NUP153: variants seen among roughly 807,000 people sequenced by gnomAD.
NUP153 encodes nucleoporin 153.
NUP153 carries 27 observed loss-of-function variants against 134.6 expected under a neutral mutation model. The ratio of observed to expected loss-of-function variants is 0.20; its 90% CI spans 0.15 to 0.28. The LOEUF (loss-of-function observed/expected upper bound fraction) is 0.28, where lower values mean the gene tolerates loss of function less well. Among genes scored for constraint, NUP153 ranks in the 10% least tolerant of loss-of-function variants. NUP153 has a pLI of 1.00. For missense variants in NUP153, 1,821 were observed against 1,731.3 expected, an observed-to-expected ratio of 1.05 and a Z score of -0.92; for synonymous variants, 640 against 623.5, an observed-to-expected ratio of 1.03 and a Z score of -0.40.
intron 2 of NUP153, among the ~76,000 whole-genome samples, chr6:17,684,944 A>C (rs1768821726): frequency 6.6e-6 from 1 of 152,214 alleles, no homozygotes; most frequent in African/African-American, 2.4e-5. Context: ...AACAATTACA[A>C]TAGTAATACC....
intron 20 of NUP153, among the ~76,000 whole-genome samples, chr6:17,618,603 T>C (rs1360048914): frequency 6.6e-6 from 1 of 150,718 alleles, no homozygotes; most frequent in East Asian, 2.0e-4. Flanking sequence ...TCTGGCTCTG[T>C]TGCCCAGGCT....
chr6:17,624,655 A>G lies in NUP153; in HGVS notation c.4080T>C (p.Pro1360=). 1.9e-6 allele frequency: 3 copies of G among 1,614,200 alleles called. No individual in the cohort carries two copies. Among genetic ancestry groups the G allele is most frequent in the Non-Finnish European group, 2.5e-6 (3 of 1,180,032 alleles). ...LFPTGSQPAP[P]TFGTVSSSSQ... is the part of the protein sequence containing the mutation. ...TACTGCTTGACACTGTCCCAAAAGT[A>G]GGTGGTGCAGGCTGAGAACCAGTGG... The change falls in exon 20 of 22, where the codon CCT becomes CCC. Residue 1360 remains proline, a synonymous_variant. Coordinates refer to ENST00000262077, the MANE Select transcript of NUP153 (RefSeq NM_005124.4).
At position 17,688,006 on chromosome 6, in the gene NUP153, C is replaced by T. The variant is rs2113849833; in HGVS notation, c.334+390G>A. Among the ~76,000 whole-genome samples, 2 of 152,142 alleles carry T rather than the reference C, an allele frequency of 1.3e-5. 1 individual carries two copies. Among genetic ancestry groups the T allele is most frequent in the Middle Eastern group, 6.8e-3 (2 of 294 alleles). ...TGGTGGCAGGCGCCTGTAGTCCCAG[C>T]TACTTGGGAGGCTGAGGCAGGAGAA... On this transcript the variant is annotated intron_variant, in intron 2 of 21. Coordinates refer to ENST00000262077, the MANE Select transcript of NUP153 (RefSeq NM_005124.4).
At chr6:17,619,292 T>C (rs1448351052) in intron 20 of NUP153, among the ~76,000 whole-genome samples, 1 of 152,190 alleles carries the variant, frequency 6.6e-6, no homozygotes, top group Non-Finnish European at 1.5e-5. Flanking sequence ...CCTGCAGAGA[T>C]GTATGGCCTC....
In NUP153 at chr6:17,699,910, C is replaced by T. The variant is rs546094859; in HGVS notation, c.111+6367G>A. ...TTTATTTTACTTCAAACTAAGATAT[C>T]TGCCTTGTCAGGGACTTCCCAGAAA... is the stretch of plus-strand genomic sequence containing the variant. On this transcript the variant is annotated intron_variant, in intron 1 of 21. Transcript: ENST00000262077. Among the ~76,000 whole-genome samples, 11 of 152,302 alleles carry T rather than the reference C, an allele frequency of 7.2e-5. No individual in the cohort carries two copies. In the South Asian group the frequency reaches 2.3e-3, roughly 32 times the overall value.
At chr6:17,698,870 TAA>T (rs961294100) in intron 1 of NUP153, among the ~76,000 whole-genome samples, 8 of 140,020 alleles carry the variant, frequency 5.7e-5, no homozygotes, top group African/African-American at 7.9e-5. Flanking sequence ...GACACTGTCT[TAA>T]AAAAAAAAAA....
chr6:17,646,741 C>CT (rs368142844), intron 13 of NUP153, among the ~76,000 whole-genome samples: 2,837 of 145,956 alleles, frequency 0.019, 42 homozygotes, highest in Non-Finnish European at 0.028. Flanking sequence ...ATTTTCTTTC[C>CT]TTTTTTTTTT....
At chr6:17,703,197 C>CAA (rs544859988) in intron 1 of NUP153, among the ~76,000 whole-genome samples, 53 of 67,690 alleles carry the variant, frequency 7.8e-4, no homozygotes, top group East Asian at 3.8e-3. Context: ...GACTCCATCT[C>CAA]AAAAAAAAAA....
At chr6:17,635,355 C>A (rs780912689) in intron 16 of NUP153, among the ~76,000 whole-genome samples, 2 of 152,092 alleles carry the variant, frequency 1.3e-5, no homozygotes, top group South Asian at 2.1e-4. Context: ...GTGATCCACT[C>A]GCCTCGGCCT....
chr6:17,665,769 A>C (rs1767499416), intron 8 of NUP153, among the ~76,000 whole-genome samples: 2 of 150,886 alleles, frequency 1.3e-5, no homozygotes, highest in Admixed American at 1.3e-4. Flanking sequence ...CACCCAGACC[A>C]CAGCTCACTG....
intron 1 of NUP153, among the ~76,000 whole-genome samples, chr6:17,694,373 T>C (rs771575249): frequency 5.3e-5 from 8 of 152,126 alleles, no homozygotes; most frequent in Non-Finnish European, 8.8e-5. Context: ...AAATAAAGGA[T>C]AGGAGCTGGG....
rs36027788 is a variant in NUP153 at position 17,632,846 on chromosome 6, TA to T, written c.2465-3del. 0.073 allele frequency: 62,333 copies of T among 851,810 alleles called. 7 individuals are homozygous for T. Among genetic ancestry groups the T allele is most frequent in the South Asian group, 0.098 (3,985 of 40,692 alleles). 52.8% of individuals were successfully genotyped at this position (851,810 alleles called of 1,614,324 possible). A position where few individuals can be genotyped will look rare whatever the true frequency, so the allele number is the denominator to read the frequency against. On this transcript the variant is annotated splice_polypyrimidine_tract_variant and splice_region_variant and intron_variant, in intron 16 of 21. Coordinates refer to ENST00000262077, the MANE Select transcript of NUP153 (RefSeq NM_005124.4). The stretch of plus-strand genomic sequence containing the variant: ...TACTTGAAGCAGGTACTGAACTTCC[TA>T]AAAAAAAAAAAAAAAACGGGGAGTG...
chr6:17,665,331 T>C lies in NUP153; in HGVS notation c.1123A>G (p.Ile375Val), dbSNP rs756054809. ...QRLMTPKPVS[I>V]ATNRSVYFKP... ...AAATAAACACTTCGATTTGTTGCTA[T>C]GGAAACTGGCTTTGGGGTCATAAGT... is the stretch of plus-strand genomic sequence containing the variant. The change falls in exon 9 of 22, where the codon ATA becomes GTA. Residue 375 changes from isoleucine (I) to valine (V), a missense_variant. Transcript: ENST00000262077. 3.1e-6 allele frequency: 5 copies of C among 1,613,620 alleles called. No individual in the cohort carries two copies. Among genetic ancestry groups the C allele is most frequent in the Non-Finnish European group, 4.2e-6 (5 of 1,179,664 alleles).
rs944366017 is a variant in NUP153 at position 17,647,798 on chromosome 6, G to A, written c.1632+9C>T. The A allele has an allele frequency of 9.3e-6, 14 of 1,505,272 alleles. No individual in the cohort carries two copies. The highest frequency in any genetic ancestry group is 1.4e-5 in the African/African-American group (1 of 72,598). The allele number at this position is 1,505,272 out of a possible 1,614,324, so 93.2% of individuals were successfully genotyped here. Reference sequence around the variant, plus strand: ...AGTAAATATATACTATTCCTTGCTTGTTACTTACAGATGATGGAGGTAGTA... The same window carrying A: ...AGTAAATATATACTATTCCTTGCTTATTACTTACAGATGATGGAGGTAGTA... On this transcript the variant is annotated intron_variant, in intron 13 of 21. Coordinates refer to ENST00000262077, the MANE Select transcript of NUP153 (RefSeq NM_005124.4).
chr6:17,705,669 C>T (rs1770434981), intron 1 of NUP153, among the ~76,000 whole-genome samples: 2 of 151,726 alleles, frequency 1.3e-5, no homozygotes, highest in Admixed American at 6.6e-5. Flanking sequence ...CCACGGTTAA[C>T]TATAACCTGG....
At chr6:17,670,688 T>C (rs1219447062) in intron 5 of NUP153, among the ~76,000 whole-genome samples, 1 of 152,206 alleles carries the variant, frequency 6.6e-6, no homozygotes, top group Non-Finnish European at 1.5e-5. Context: ...CAACTATACC[T>C]AGGTTTGTTC....
intron 2 of NUP153, among the ~76,000 whole-genome samples, chr6:17,687,193 C>A: frequency 6.6e-6 from 1 of 152,148 alleles, no homozygotes; most frequent in East Asian, 1.9e-4. Context: ...TTAATCCTTT[C>A]AAATATGCTC....
At chr6:17,639,240 G>C (rs1201079707) in intron 15 of NUP153, among the ~76,000 whole-genome samples, 1 of 151,958 alleles carries the variant, frequency 6.6e-6, no homozygotes, top group East Asian at 1.9e-4. Context: ...AGGACGCCCA[G>C]CTAATTTTTT....
intron 11 of NUP153, among the ~76,000 whole-genome samples, chr6:17,650,391 A>G (rs573663633): frequency 6.6e-6 from 1 of 152,282 alleles, no homozygotes; most frequent in East Asian, 1.9e-4. Flanking sequence ...GTCTACATAT[A>G]AGCCACCCGA....
Sources: gnomAD v4.1 joint callset for allele counts (sites outside exome capture counted in the v4.1 genomes callset) on GRCh38, gnomAD v4.1.1 for gene constraint, MANE v1.5 for transcripts, NCBI Gene and HGNC (gene_info 2026-07-23, HGNC 2026-07-21) for gene names.